The following ZNF121 variants were observed in gnomAD, a reference collection of about 807,000 sequenced individuals.
The protein encoded by ZNF121 is zinc finger protein 121.
In ZNF121, 1 loss-of-function variant was observed where a neutral mutation model predicts 2.4. The ratio of observed to expected loss-of-function variants is 0.41; its 90% CI spans 0.15 to 1.94. The LOEUF (loss-of-function observed/expected upper bound fraction) is 1.94. Ranked by LOEUF, ZNF121 falls within the 30% of genes most tolerant of loss-of-function variation. ZNF121 has a pLI of 0.30. For synonymous variants in ZNF121, 173 were observed against 158.6 expected (o/e 1.09, Z -0.68); for missense variants, 369 against 466.3 (o/e 0.79, Z 1.92).
intron 1 of ZNF121, among the ~76,000 whole-genome samples, chr19:9,580,174 C>T (rs996352407): frequency 2.6e-5 from 4 of 151,912 alleles, no homozygotes; most frequent in African/African-American, 9.7e-5. Context: ...CACCTGTAGT[C>T]CCAGCTACTC....
rs746310089 is a variant in ZNF121, at chr19:9,578,980, CAAAA to C, written c.-160+5477_-160+5480del. On this transcript the variant is annotated intron_variant, in intron 1 of 3. Coordinates refer to ENST00000320451, the MANE Select transcript of ZNF121 (RefSeq NM_001008727.5). ...ATATATAAGGAACTCAACTTGATAG[CAAAA>C]AAAAAAAAAAAAAAAATCCGATCAA... Among the ~76,000 whole-genome samples, 761 of 86,106 alleles carry C rather than the reference CAAAA, an allele frequency of 8.8e-3. 8 individuals are homozygous for C. Among genetic ancestry groups the C allele is most frequent in the African/African-American group, 0.023 (666 of 28,558 alleles). The allele number at this position is 86,106 out of a possible 152,430, so 56.5% of individuals were successfully genotyped here.
At position 9,566,072 on chromosome 19, in the gene ZNF121, T is replaced by C. The variant is rs1463169803; in HGVS notation, c.1041A>G (p.Lys347=). 6.2e-7 allele frequency: 1 copy of C among 1,614,040 alleles called. No individual in the cohort carries two copies. The highest frequency in any genetic ancestry group is 2.2e-5 in the East Asian group (1 of 44,850). Residue 347 remains lysine (K), a synonymous_variant, in exon 4 of 4, where the codon AAA becomes AAG. Coordinates refer to ENST00000320451, the MANE Select transcript of ZNF121 (RefSeq NM_001008727.5). ...GTAGATGTGAAGAAGCACGGAAGGT[T>C]TTCCCACATTCCTTACATATATACG... is the stretch of plus-strand genomic sequence containing the variant. ...EKPYICKECG[K]TFRASSHLQK...
chr19:9,583,693 C>A (rs568372654), intron 1 of ZNF121, among the ~76,000 whole-genome samples: 2 of 152,070 alleles, frequency 1.3e-5, no homozygotes, highest in African/African-American at 2.4e-5. Flanking sequence ...TTAGTAGAGA[C>A]AGGGTTTCAC....
intron 1 of ZNF121, among the ~76,000 whole-genome samples, chr19:9,579,770 T>A (rs1266249688): frequency 6.6e-6 from 1 of 152,214 alleles, no homozygotes; most frequent in Non-Finnish European, 1.5e-5. Flanking sequence ...CACTCATCTA[T>A]TGTACATTTC....
At chr19:9,575,608 T>C (rs2074205093) in intron 1 of ZNF121, among the ~76,000 whole-genome samples, 1 of 151,882 alleles carries the variant, frequency 6.6e-6, no homozygotes, top group Non-Finnish European at 1.5e-5. Flanking sequence ...CCGGGTGTGG[T>C]GGTGTGTGCC....
Position 9,564,926 on chromosome 19 carries a change from A to G in ZNF121, c.*1014T>C, listed in dbSNP as rs1021860784. The G allele has an allele frequency of 1.3e-5, 2 of 152,222 alleles. No individual in the cohort carries two copies. Among genetic ancestry groups the G allele is most frequent in the African/African-American group, 4.8e-5 (2 of 41,446 alleles). The allele number at this position is 152,222 out of a possible 1,614,324, so 9.4% of individuals were successfully genotyped here. A position where few individuals can be genotyped will look rare whatever the true frequency, so the allele number is the denominator to read the frequency against. Reference sequence around the variant, plus strand: ...TCAACACTGAGGCAAGACCTACCACAAGCAAAAAGATTACAACTCACCAAA... The same window carrying G: ...TCAACACTGAGGCAAGACCTACCACGAGCAAAAAGATTACAACTCACCAAA... On this transcript the variant is annotated 3_prime_UTR_variant, in exon 4 of 4. Transcript: ENST00000320451.
At chr19:9,581,999 C>T (rs962288137) in intron 1 of ZNF121, among the ~76,000 whole-genome samples, 2 of 152,124 alleles carry the variant, frequency 1.3e-5, no homozygotes, top group South Asian at 4.1e-4. Flanking sequence ...TGAAAGAAAA[C>T]AAGCACAATG....
chr19:9,567,983 C>T (rs925186950), intron 3 of ZNF121, 112 bp downstream of exon 3: 8 of 1,209,292 alleles, frequency 6.6e-6, no homozygotes, highest in East Asian at 2.6e-5. Context: ...AGAGACATTC[C>T]TCCTGCTTGA....
intron 2 of ZNF121, 50 bp downstream of exon 2, chr19:9,568,952 T>C (rs2074153865): frequency 6.5e-6 from 1 of 152,918 alleles, no homozygotes; most frequent in African/African-American, 2.4e-5. Context: ...TTCATTATGC[T>C]TCCAAACATA....
chr19:9,568,685 T>C (rs1332272767), intron 2 of ZNF121, among the ~76,000 whole-genome samples: 1 of 152,148 alleles, frequency 6.6e-6, no homozygotes, highest in East Asian at 1.9e-4. Context: ...TTTAGTAATT[T>C]TTTAAACAAT....
chr19:9,583,470 G>A lies in ZNF121; in HGVS notation c.-160+991C>T, dbSNP rs977175893. Among the ~76,000 whole-genome samples, 7 of 144,182 alleles carry A rather than the reference G, an allele frequency of 4.9e-5. No individual in the cohort carries two copies. The South Asian group carries it at 8.8e-4, about 18-fold the overall frequency. The allele number at this position is 144,182 out of a possible 152,430, so 94.6% of individuals were successfully genotyped here. On this transcript the variant is annotated intron_variant, in intron 1 of 3. Transcript: ENST00000320451. ...CCTCCCAAGTAGCTAGGATTACAGG[G>A]GACTGCCACCAAGCCTGGCTTTTTT...
chr19:9,565,157 C>T lies in ZNF121; in HGVS notation c.*783G>A, dbSNP rs1455668698. ...TCTGGAACAAAACTCACAATATCTA[C>T]AGGGCATGCCTGTATCTTGTATCAA... On this transcript the variant is annotated 3_prime_UTR_variant, in exon 4 of 4. Coordinates refer to ENST00000320451, the MANE Select transcript of ZNF121 (RefSeq NM_001008727.5). 6.6e-6 allele frequency: 1 copy of T among 151,770 alleles called. No individual in the cohort carries two copies. The highest frequency in any genetic ancestry group is 1.9e-4 in the East Asian group (1 of 5,174). The allele number at this position is 151,770 out of a possible 1,614,324, so 9.4% of individuals were successfully genotyped here. A position where few individuals can be genotyped will look rare whatever the true frequency, so the allele number is the denominator to read the frequency against.
In ZNF121 at chr19:9,571,580, T is replaced by TG. The variant is rs1210204612; in HGVS notation, c.-159-2499dup. ...AAACAAGACTTGGTTACCTTTCACC[T>TG]GGCAGGACCAACAATGTATCTTCAT... On this transcript the variant is annotated intron_variant, in intron 1 of 3. Coordinates refer to ENST00000320451, the MANE Select transcript of ZNF121 (RefSeq NM_001008727.5). Among the ~76,000 whole-genome samples the TG allele has an allele frequency of 1.3e-5, 2 of 152,218 alleles. 1 individual carries two copies. The highest frequency in any genetic ancestry group is 1.3e-4 in the Admixed American group (2 of 15,282).
At chr19:9,576,050 T>TA (rs1313032543) in intron 1 of ZNF121, among the ~76,000 whole-genome samples, 2 of 152,172 alleles carry the variant, frequency 1.3e-5, no homozygotes, top group Non-Finnish European at 2.9e-5. Context: ...CTACAGAAGA[T>TA]ACATTCCTTT....
chr19:9,563,458 T>C lies in ZNF121; in HGVS notation c.*2482A>G, dbSNP rs979649192. On this transcript the variant is annotated 3_prime_UTR_variant, in exon 4 of 4. Coordinates refer to ENST00000320451, the MANE Select transcript of ZNF121 (RefSeq NM_001008727.5). The stretch of plus-strand genomic sequence containing the variant: ...ATCTGCAGCAAGCATTTCCAGAATA[T>C]CTAGATAAATGGCAGAGGTAGCTCT... 1 of 152,162 alleles carries C rather than the reference T, an allele frequency of 6.6e-6. No individual in the cohort carries two copies. Among genetic ancestry groups the C allele is most frequent in the Non-Finnish European group, 1.5e-5 (1 of 68,032 alleles). The allele number at this position is 152,162 out of a possible 1,614,324, so 9.4% of individuals were successfully genotyped here. A position where few individuals can be genotyped will look rare whatever the true frequency, so the allele number is the denominator to read the frequency against.
chr19:9,580,546 T>C (rs1412744441), intron 1 of ZNF121, among the ~76,000 whole-genome samples: 2 of 151,682 alleles, frequency 1.3e-5, no homozygotes, highest in South Asian at 2.1e-4. Context: ...GAACTGTCAA[T>C]AGAGCTACCA....
At chr19:9,570,309 G>C (rs2074165079) in intron 1 of ZNF121, among the ~76,000 whole-genome samples, 1 of 152,138 alleles carries the variant, frequency 6.6e-6, no homozygotes, top group South Asian at 2.1e-4. Context: ...TCATATGCCA[G>C]AGCTTCCCTG....
In ZNF121 at chr19:9,562,977, G is replaced by C. The variant is rs1218062238; in HGVS notation, c.*2963C>G. The C allele has an allele frequency of 6.9e-6, 1 of 144,086 alleles. No individual in the cohort carries two copies. Among genetic ancestry groups the C allele is most frequent in the Non-Finnish European group, 1.5e-5 (1 of 67,050 alleles). 8.9% of individuals were successfully genotyped at this position (144,086 alleles called of 1,614,324 possible). On this transcript the variant is annotated 3_prime_UTR_variant, in exon 4 of 4. Coordinates refer to ENST00000320451, the MANE Select transcript of ZNF121 (RefSeq NM_001008727.5). The stretch of plus-strand genomic sequence containing the variant: ...TACTCAGGAGACAGGAAGATCACTG[G>C]AACCCGTAAGTTTGAGGCTGCAATG...
chr19:9,577,865 G>A (rs777333519), intron 1 of ZNF121, among the ~76,000 whole-genome samples: 1 of 151,896 alleles, frequency 6.6e-6, no homozygotes, highest in Non-Finnish European at 1.5e-5. Flanking sequence ...TGGCCAACAT[G>A]ATGAAACCCC....
Sources: allele counts gnomAD v4.1 joint callset (sites outside exome capture counted in the v4.1 genomes callset), GRCh38; gene constraint gnomAD v4.1.1; transcripts MANE v1.5; gene names NCBI Gene and HGNC (gene_info 2026-07-23, HGNC 2026-07-21).